The following WDR70 variants were observed in gnomAD, a reference collection of about 807,000 sequenced individuals.
The protein encoded by WDR70 is WD repeat-containing protein 70.
WDR70 carries 53 observed loss-of-function variants against 88.6 expected under a neutral mutation model. The ratio of observed to expected loss-of-function variants is 0.60; its 90% confidence interval spans 0.48 to 0.75. The LOEUF (loss-of-function observed/expected upper bound fraction) is 0.75. Among genes scored for constraint, WDR70 ranks in the 30% least tolerant of loss-of-function variants. The pLI, the probability that WDR70 is intolerant of heterozygous loss-of-function variation, is 0.00. For missense variants in WDR70, 610 were observed against 823.2 expected (o/e 0.74, Z 3.17); for synonymous variants, 280 against 270.0 (o/e 1.04, Z -0.36).
rs1749203725 is a variant in WDR70 at position 37,401,794 on chromosome 5, A to G, written c.492+5224A>G. 2.6e-5 allele frequency among the ~76,000 whole-genome samples: 4 copies of G among 152,116 alleles called. No homozygotes were observed. The South Asian group carries it at 8.3e-4, about 32-fold the overall frequency. Reference sequence around the variant, plus strand: ...TTTAAGGATTTTTTTTAATTGACAGATTATTTTTAATTGACATAATTGTAC... The same window carrying G: ...TTTAAGGATTTTTTTTAATTGACAGGTTATTTTTAATTGACATAATTGTAC... On this transcript the variant is annotated intron_variant, in intron 5 of 17. Transcript: ENST00000265107.
At chr5:37,426,107 C>T (rs1012396287) in intron 5 of WDR70, among the ~76,000 whole-genome samples, 1 of 151,894 alleles carries the variant, frequency 6.6e-6, no homozygotes, top group Non-Finnish European at 1.5e-5. Context: ...AGGACAGAAC[C>T]CCGAGGGACA....
intron 3 of WDR70, among the ~76,000 whole-genome samples, chr5:37,390,891 T>C (rs1748798500): frequency 6.6e-6 from 1 of 151,980 alleles, no homozygotes; most frequent in African/African-American, 2.4e-5. Context: ...TAATTTTTTA[T>C]TTTTAGTAGG....
intron 5 of WDR70, 99 bp from the exon 6 acceptor site, chr5:37,437,823 A>G (rs1180305161): frequency 8.5e-7 from 1 of 1,177,474 alleles, no homozygotes; most frequent in Non-Finnish European, 1.2e-6. Flanking sequence ...AAAACCAATG[A>G]TGCAATTTTA....
In WDR70 at chr5:37,699,975, C is replaced by CA. The variant is rs11311180; in HGVS notation, c.1193-1072dup. On this transcript the variant is annotated intron_variant, in intron 11 of 17. Coordinates refer to ENST00000265107, the MANE Select transcript of WDR70 (RefSeq NM_018034.4). ...AAAAAACAAAAAACAAAAACAAAAA[C>CA]AAAAAAAAAAACAGACTAAAAGCAA... 2.8e-3 allele frequency among the ~76,000 whole-genome samples: 409 copies of CA among 143,726 alleles called. 4 individuals carry two copies. Among genetic ancestry groups the CA allele is most frequent in the South Asian group, 0.011 (50 of 4,572 alleles). 94.3% of individuals were successfully genotyped at this position (143,726 alleles called of 152,430 possible). A position where few individuals can be genotyped will look rare whatever the true frequency, so the allele number is the denominator to read the frequency against.
chr5:37,461,727 C>T (rs1739011917), intron 7 of WDR70, among the ~76,000 whole-genome samples: 1 of 140,206 alleles, frequency 7.1e-6, no homozygotes, highest in Non-Finnish European at 1.6e-5. Context: ...TCATGATCTG[C>T]CTGCCTCGGC....
chr5:37,436,368 G>A (rs775205937), intron 5 of WDR70, among the ~76,000 whole-genome samples: 5 of 152,112 alleles, frequency 3.3e-5, no homozygotes, highest in Non-Finnish European at 7.4e-5. Context: ...TCATAACTTT[G>A]CTGAAGTCAT....
At chr5:37,603,147 A>C (rs557522203) in intron 9 of WDR70, among the ~76,000 whole-genome samples, 2 of 152,174 alleles carry the variant, frequency 1.3e-5, no homozygotes, top group African/African-American at 2.4e-5. Flanking sequence ...GAAAAAAAAA[A>C]ACCCTAAAAT....
intron 11 of WDR70, chr5:37,698,041 G>A (rs1747034577): frequency 3.7e-6 from 1 of 271,700 alleles, no homozygotes; most frequent in Non-Finnish European, 7.1e-6. Context: ...CCTTGCTTCT[G>A]CCTTGGGAAG....
At position 37,440,680 on chromosome 5, in the gene WDR70, T is replaced by C. The variant is rs184530386; in HGVS notation, c.553-2559T>C. On this transcript the variant is annotated intron_variant, in intron 6 of 17. Coordinates refer to ENST00000265107, the MANE Select transcript of WDR70 (RefSeq NM_018034.4). ...GTTTTCTATTTTTCTAATTACCTCC[T>C]TCATATCGTTTTGGTAAATGATGAA... 7.9e-3 allele frequency among the ~76,000 whole-genome samples: 1,202 copies of C among 152,324 alleles called. 18 individuals carry two copies. Among genetic ancestry groups the C allele is most frequent in the Non-Finnish European group, 9.7e-3 (660 of 68,038 alleles).
chr5:37,706,540 C>T (rs182285383), intron 13 of WDR70, among the ~76,000 whole-genome samples: 2 of 152,238 alleles, frequency 1.3e-5, no homozygotes, highest in Non-Finnish European at 2.9e-5. Context: ...GGGAGTTCCC[C>T]TGCACCTGCT....
chr5:37,559,714 A>C, intron 9 of WDR70, among the ~76,000 whole-genome samples: 1 of 152,022 alleles, frequency 6.6e-6, no homozygotes. Context: ...GGGTGGTGGC[A>C]CACACCTGTA....
At chr5:37,409,578 C>G (rs987945991) in intron 5 of WDR70, among the ~76,000 whole-genome samples, 1 of 151,758 alleles carries the variant, frequency 6.6e-6, no homozygotes, top group Non-Finnish European at 1.5e-5. Context: ...GATCTCGTCC[C>G]CCTGCAACCT....
intron 8 of WDR70, among the ~76,000 whole-genome samples, chr5:37,497,428 TCTTCC>T (rs777707038): frequency 2.5e-5 from 2 of 80,512 alleles, no homozygotes; most frequent in Non-Finnish European, 4.7e-5. Flanking sequence ...TTCCCTTCCC[TCTTCC>T]CTTCCCTTCC....
intron 10 of WDR70, among the ~76,000 whole-genome samples, chr5:37,668,509 A>C (rs1362547097): frequency 6.6e-6 from 1 of 152,238 alleles, no homozygotes; most frequent in Non-Finnish European, 1.5e-5. Flanking sequence ...GTGATATACC[A>C]ACTGGTCTCA....
chr5:37,409,932 A>G (rs922885841), intron 5 of WDR70, among the ~76,000 whole-genome samples: 2 of 152,152 alleles, frequency 1.3e-5, no homozygotes, highest in Non-Finnish European at 2.9e-5. Flanking sequence ...TTTTTCAAAG[A>G]CATGTCAAAT....
intron 17 of WDR70, among the ~76,000 whole-genome samples, chr5:37,728,371 AAAAAAC>A (rs1235634208): frequency 8.0e-5 from 12 of 150,136 alleles, no homozygotes; most frequent in Non-Finnish European, 1.6e-4. Context: ...AAACAAAAAA[AAAAAAC>A]AAACTAAAAC....
intron 8 of WDR70, among the ~76,000 whole-genome samples, chr5:37,512,719 C>CT (rs1351587873): frequency 1.3e-5 from 2 of 151,458 alleles, no homozygotes; most frequent in African/African-American, 4.9e-5. Flanking sequence ...GTAGCTGTGA[C>CT]TACCGTTGTG....
chr5:37,422,369 G>T (rs1045610346), intron 5 of WDR70, among the ~76,000 whole-genome samples: 7 of 140,434 alleles, frequency 5.0e-5, no homozygotes, highest in Non-Finnish European at 9.1e-5. Flanking sequence ...ATCGACTTAT[G>T]CAATCTCCAC....
At chr5:37,671,353 T>A (rs1365237786) in intron 10 of WDR70, among the ~76,000 whole-genome samples, 1 of 152,176 alleles carries the variant, frequency 6.6e-6, no homozygotes, top group Non-Finnish European at 1.5e-5. Flanking sequence ...ACCTGTAGTA[T>A]TGACATAAGA....
Sources: allele counts gnomAD v4.1 joint callset (sites outside exome capture counted in the v4.1 genomes callset), GRCh38; gene constraint gnomAD v4.1.1; transcripts MANE v1.5; gene names NCBI Gene and HGNC (gene_info 2026-07-23, HGNC 2026-07-21).